Variants in FGGY observed in about 807,000 individuals in gnomAD.
FGGY encodes the protein FGGY carbohydrate kinase domain containing, also known as FGGY carbohydrate kinase domain-containing protein.
Under a neutral mutation model 71.3 loss-of-function variants are expected in FGGY, and 72 were observed. The ratio of observed to expected loss-of-function variants is 1.01; its 90% CI spans 0.84 to 1.23. FGGY has a LOEUF of 1.23. FGGY is among the 50% of genes most tolerant of loss of function. The pLI, the probability that FGGY is intolerant of heterozygous loss-of-function variation, is 0.00. For synonymous variants in FGGY, 251 were observed against 250.3 expected (o/e 1.00, Z -0.02); for missense variants, 668 against 682.3 (o/e 0.98, Z 0.23).
intron 14 of FGGY, among the ~76,000 whole-genome samples, chr1:59,738,022 GA>G (rs377713940): frequency 4.6e-5 from 7 of 152,296 alleles, no homozygotes; most frequent in Non-Finnish European, 7.4e-5. Context: ...CAAAGTAAAA[GA>G]AGAGTCTAGA....
intron 6 of FGGY, among the ~76,000 whole-genome samples, chr1:59,493,908 C>A (rs1456091334): frequency 1.3e-5 from 2 of 152,062 alleles, no homozygotes; most frequent in Non-Finnish European, 2.9e-5. Flanking sequence ...TTAATGTATT[C>A]AATGTGTTGC....
chr1:59,696,844 A>G (rs1482206784), intron 14 of FGGY, among the ~76,000 whole-genome samples: 1 of 152,180 alleles, frequency 6.6e-6, no homozygotes. Context: ...AAGGGCCCTT[A>G]GAGATCATCC....
chr1:59,398,717 A>G (rs1223105993), intron 5 of FGGY, among the ~76,000 whole-genome samples: 1 of 152,184 alleles, frequency 6.6e-6, no homozygotes, highest in African/African-American at 2.4e-5. Context: ...ATTTTTCAGA[A>G]TGAGAAAATC....
intron 14 of FGGY, among the ~76,000 whole-genome samples, chr1:59,674,423 T>C (rs1037346655): frequency 6.6e-6 from 1 of 152,198 alleles, no homozygotes; most frequent in Non-Finnish European, 1.5e-5. Context: ...CACTTTTCTT[T>C]GAGCACATGA....
At chr1:59,638,775 G>A (rs535864266) in intron 11 of FGGY, among the ~76,000 whole-genome samples, 3 of 152,334 alleles carry the variant, frequency 2.0e-5, no homozygotes, top group African/African-American at 7.2e-5. Context: ...CATCTGCCTA[G>A]GCTCTGAGTC....
intron 5 of FGGY, among the ~76,000 whole-genome samples, chr1:59,390,619 G>T (rs1411036976): frequency 6.6e-6 from 1 of 152,142 alleles, no homozygotes; most frequent in Non-Finnish European, 1.5e-5. Context: ...TCAAACTGAG[G>T]TGAAGGGGAA....
chr1:59,414,735 T>G (rs2064108729), intron 5 of FGGY, among the ~76,000 whole-genome samples: 1 of 152,128 alleles, frequency 6.6e-6, no homozygotes, highest in Admixed American at 6.5e-5. Flanking sequence ...CTGGGGAGAT[T>G]GTTTTGTGGA....
chr1:59,676,475 A>G (rs915442858), intron 14 of FGGY, among the ~76,000 whole-genome samples: 1 of 151,550 alleles, frequency 6.6e-6, no homozygotes, highest in African/African-American at 2.4e-5. Flanking sequence ...TAGCCTTTCA[A>G]GATGAGGCTG....
intron 6 of FGGY, among the ~76,000 whole-genome samples, chr1:59,465,812 C>G (rs988042316): frequency 6.6e-6 from 1 of 152,072 alleles, no homozygotes; most frequent in African/African-American, 2.4e-5. Context: ...TGTGAAGTAC[C>G]TCTTCAAGGA....
At position 59,346,947 on chromosome 1, in the gene FGGY, C is replaced by CTT. The variant is rs71580898; in HGVS notation, c.465+569_465+570dup. Reference sequence around the variant, plus strand: ...TGTGCCCGGCCATCCAAAATCAATTCTTTTTTTTTTTTTTTTTTTTTAAGT... The same window carrying CTT: ...TGTGCCCGGCCATCCAAAATCAATTCTTTTTTTTTTTTTTTTTTTTTTTAAGT... On this transcript the variant is annotated intron_variant, in intron 4 of 15. Transcript: ENST00000303721. 7.3e-3 allele frequency among the ~76,000 whole-genome samples: 814 copies of CTT among 112,176 alleles called. 11 individuals are homozygous for CTT. Among genetic ancestry groups the CTT allele is most frequent in the African/African-American group, 0.022 (683 of 30,388 alleles). The allele number at this position is 112,176 out of a possible 152,430, so 73.6% of individuals were successfully genotyped here.
intron 14 of FGGY, among the ~76,000 whole-genome samples, chr1:59,726,058 A>G (rs990776612): frequency 9.2e-5 from 14 of 151,956 alleles, no homozygotes; most frequent in Admixed American, 2.6e-4. Context: ...TTTTTTGTAC[A>G]TGTTCTTTAT....
chr1:59,616,115 A>G (rs2096750290), intron 9 of FGGY, among the ~76,000 whole-genome samples: 1 of 152,192 alleles, frequency 6.6e-6, no homozygotes, highest in Non-Finnish European at 1.5e-5. Flanking sequence ...ATACCATTTG[A>G]CCCAGCCATC....
intron 8 of FGGY, among the ~76,000 whole-genome samples, chr1:59,606,619 G>A (rs55743633): frequency 0.099 from 15,044 of 152,170 alleles, 854 homozygotes; most frequent in South Asian, 0.29. Flanking sequence ...AGGACCTAAA[G>A]CTTATGTTTT....
chr1:59,575,132 C>T (rs184267968), intron 8 of FGGY, among the ~76,000 whole-genome samples: 4 of 152,232 alleles, frequency 2.6e-5, no homozygotes, highest in Admixed American at 2.6e-4. Context: ...TTAAAATCTA[C>T]TCTCTTAGTA....
intron 5 of FGGY, among the ~76,000 whole-genome samples, chr1:59,448,877 C>T (rs1167469471): frequency 6.6e-6 from 1 of 152,198 alleles, no homozygotes; most frequent in Non-Finnish European, 1.5e-5. Flanking sequence ...CTTCCCCACT[C>T]ATACACACTC....
intron 6 of FGGY, among the ~76,000 whole-genome samples, chr1:59,458,631 C>A (rs2153516068): frequency 6.6e-6 from 1 of 152,308 alleles, no homozygotes; most frequent in Middle Eastern, 3.4e-3. Context: ...TAATGTTAAT[C>A]TAGCAGAAAA....
intron 14 of FGGY, among the ~76,000 whole-genome samples, chr1:59,731,312 C>G (rs1373469332): frequency 6.6e-6 from 1 of 152,142 alleles, no homozygotes; most frequent in Non-Finnish European, 1.5e-5. Flanking sequence ...AAACCTCAGC[C>G]CAGTGAGGCA....
At chr1:59,327,248 T>C (rs835374) in intron 2 of FGGY, among the ~76,000 whole-genome samples, 61,966 of 152,090 alleles carry the variant, frequency 0.41, 13,136 homozygotes, top group African/African-American at 0.51. Flanking sequence ...AAACTGGAGT[T>C]AGTTCTTTCA....
intron 11 of FGGY, among the ~76,000 whole-genome samples, chr1:59,653,170 G>A (rs1252847669): frequency 6.6e-6 from 1 of 152,222 alleles, no homozygotes; most frequent in Non-Finnish European, 1.5e-5. Flanking sequence ...GTCAGACAGG[G>A]ACATTTAAGT....
Sources: gnomAD v4.1 joint callset for allele counts (sites outside exome capture counted in the v4.1 genomes callset) on GRCh38, gnomAD v4.1.1 for gene constraint, MANE v1.5 for transcripts, NCBI Gene and HGNC (gene_info 2026-07-23, HGNC 2026-07-21) for gene names.